TENM4: variants seen among roughly 807,000 people sequenced by gnomAD.
TENM4 encodes teneurin-4.
Under a neutral mutation model 243.3 loss-of-function variants are expected in TENM4, and 82 were observed. The observed-to-expected ratio is 0.34, with a 90% CI of 0.28 to 0.40. The LOEUF (loss-of-function observed/expected upper bound fraction) is 0.40. TENM4 is among the 10% of genes least tolerant of loss of function. TENM4 has a pLI of 1.00. For missense variants in TENM4, 3,138 were observed against 3,673.3 expected (o/e 0.85, Z 3.77); for synonymous variants, 1,412 against 1,456.3 (o/e 0.97, Z 0.69).
In TENM4 at chr11:79,077,290, C is replaced by A. The variant is rs1025199335; in HGVS notation, c.-65-7281G>T. Reference sequence around the variant, plus strand: ...GAGGCAGGGAAGGACACCACAGGGGCCTGCCCCACACCCAGGCCAAGGTGG... The same window carrying A: ...GAGGCAGGGAAGGACACCACAGGGGACTGCCCCACACCCAGGCCAAGGTGG... On this transcript the variant is annotated intron_variant, in intron 4 of 33. Coordinates refer to ENST00000278550, the MANE Select transcript of TENM4 (RefSeq NM_001098816.3). Among the ~76,000 whole-genome samples, 4 of 152,258 alleles carry A rather than the reference C, an allele frequency of 2.6e-5. No homozygotes were observed. The Middle Eastern group carries it at 0.014, about 518-fold the overall frequency.
intron 6 of TENM4, among the ~76,000 whole-genome samples, chr11:78,967,677 T>C (rs1352427123): frequency 2.6e-5 from 4 of 152,164 alleles, no homozygotes; most frequent in Non-Finnish European, 5.9e-5. Flanking sequence ...GACTGGGGTG[T>C]AGGTGTGCCT....
chr11:79,343,915 T>A (rs1857283711), intron 1 of TENM4, among the ~76,000 whole-genome samples: 1 of 152,188 alleles, frequency 6.6e-6, no homozygotes, highest in Admixed American at 6.5e-5. Flanking sequence ...ACGGTGGACA[T>A]CCCCTTAGCT....
At chr11:79,335,347 T>C (rs1222036119) in intron 1 of TENM4, among the ~76,000 whole-genome samples, 1 of 152,138 alleles carries the variant, frequency 6.6e-6, no homozygotes, top group Admixed American at 6.5e-5. Flanking sequence ...TTCAGGGAGA[T>C]TCAAAATAGA....
intron 6 of TENM4, among the ~76,000 whole-genome samples, chr11:78,967,931 T>C (rs1857470208): frequency 6.6e-6 from 1 of 152,190 alleles, no homozygotes; most frequent in Non-Finnish European, 1.5e-5. Flanking sequence ...GTGATACAGT[T>C]TGGATACCTG....
chr11:79,247,571 T>C (rs1242091516), intron 2 of TENM4, among the ~76,000 whole-genome samples: 1 of 152,148 alleles, frequency 6.6e-6, no homozygotes, highest in African/African-American at 2.4e-5. Flanking sequence ...AGACCCCGTG[T>C]TGGGAGTTTA....
chr11:78,887,531 A>G (rs7118636), intron 9 of TENM4, among the ~76,000 whole-genome samples: 19,107 of 152,216 alleles, frequency 0.13, 1,823 homozygotes, highest in African/African-American at 0.27. Flanking sequence ...GGTATTCCAT[A>G]TGGTTTGCTG....
intron 19 of TENM4, among the ~76,000 whole-genome samples, chr11:78,738,957 C>T (rs1855861124): frequency 1.3e-5 from 2 of 151,646 alleles, no homozygotes; most frequent in Non-Finnish European, 2.9e-5. Context: ...CTCTGAACTT[C>T]AGTAGGCATG....
intron 4 of TENM4, among the ~76,000 whole-genome samples, chr11:79,110,552 AC>A: frequency 6.6e-6 from 1 of 152,318 alleles, no homozygotes; most frequent in African/African-American, 2.4e-5. Context: ...CTCCCTGCCA[AC>A]ATTTTTGACA....
chr11:78,926,753 G>C (rs1183087896), intron 6 of TENM4, among the ~76,000 whole-genome samples: 1 of 149,978 alleles, frequency 6.7e-6, no homozygotes, highest in Admixed American at 6.6e-5. Context: ...CTTTGAAAAA[G>C]GACACAGTAA....
intron 6 of TENM4, among the ~76,000 whole-genome samples, chr11:78,906,831 G>A (rs1335493603): frequency 1.3e-5 from 2 of 152,118 alleles, no homozygotes; most frequent in Non-Finnish European, 2.9e-5. Flanking sequence ...TCTCTTCTCT[G>A]TGCTGGGTGA....
chr11:78,885,480 A>G (rs1164740773), intron 9 of TENM4, among the ~76,000 whole-genome samples: 1 of 152,248 alleles, frequency 6.6e-6, no homozygotes, highest in Non-Finnish European at 1.5e-5. Context: ...GAGATGGCCC[A>G]TGGGCAAGCC....
At chr11:79,309,051 G>A (rs1272353851) in intron 1 of TENM4, among the ~76,000 whole-genome samples, 2 of 151,906 alleles carry the variant, frequency 1.3e-5, no homozygotes, top group Non-Finnish European at 2.9e-5. Flanking sequence ...GGAGGGGTGG[G>A]GACTATGGTA....
At chr11:79,437,249 G>GCA (rs142847009) in intron 1 of TENM4, among the ~76,000 whole-genome samples, 3,250 of 150,870 alleles carry the variant, frequency 0.022, 109 homozygotes, top group African/African-American at 0.073. Context: ...CCCAACACAT[G>GCA]CACACACACA....
intron 2 of TENM4, among the ~76,000 whole-genome samples, chr11:79,226,200 CA>C (rs1435579820): frequency 1.3e-5 from 2 of 152,202 alleles, no homozygotes; most frequent in African/African-American, 4.8e-5. Flanking sequence ...TGCTCCAAAA[CA>C]AAACAAGAAA....
intron 6 of TENM4, among the ~76,000 whole-genome samples, chr11:78,956,826 G>A (rs1014766230): frequency 6.6e-6 from 1 of 152,202 alleles, no homozygotes; most frequent in Non-Finnish European, 1.5e-5. Flanking sequence ...AAGTATTCAT[G>A]TTTCACGGCA....
At position 78,964,036 on chromosome 11, in the gene TENM4, C is replaced by CTT. The variant is rs1002218964; in HGVS notation, c.494-60515_494-60514dup. Among the ~76,000 whole-genome samples, 95 of 109,370 alleles carry CTT rather than the reference C, an allele frequency of 8.7e-4. 2 individuals carry two copies. The highest frequency in any genetic ancestry group is 9.8e-4 in the Non-Finnish European group (53 of 54,268). 71.8% of individuals were successfully genotyped at this position (109,370 alleles called of 152,430 possible). A position where few individuals can be genotyped will look rare whatever the true frequency, so the allele number is the denominator to read the frequency against. ...ACAGGTGTGAGCCACCACACCCAGA[C>CTT]TTTTTTTTTTTTTTTTTTTTTCCCC... On this transcript the variant is annotated intron_variant, in intron 6 of 33. Transcript: ENST00000278550.
chr11:79,156,265 C>T (rs1862613858), intron 3 of TENM4, among the ~76,000 whole-genome samples: 1 of 152,200 alleles, frequency 6.6e-6, no homozygotes, highest in Non-Finnish European at 1.5e-5. Context: ...GTAGCTCCTG[C>T]CCAAGTTGGC....
At chr11:79,411,899 T>C (rs1858708675) in intron 1 of TENM4, among the ~76,000 whole-genome samples, 1 of 152,246 alleles carries the variant, frequency 6.6e-6, no homozygotes, top group Non-Finnish European at 1.5e-5. Context: ...TTCAAACCAC[T>C]GAACAACATT....
intron 4 of TENM4, among the ~76,000 whole-genome samples, chr11:79,138,952 AT>A (rs1862190639): frequency 9.3e-6 from 1 of 107,044 alleles, no homozygotes; most frequent in African/African-American, 3.8e-5. Context: ...TATATATTAT[AT>A]TTCCATAAAT....
Sources: gnomAD v4.1 joint callset for allele counts (sites outside exome capture counted in the v4.1 genomes callset) on GRCh38, gnomAD v4.1.1 for gene constraint, MANE v1.5 for transcripts, NCBI Gene and HGNC (gene_info 2026-07-23, HGNC 2026-07-21) for gene names.